TSEN2: variants seen among roughly 807,000 people sequenced by gnomAD.
The protein encoded by TSEN2 is tRNA splicing endonuclease subunit 2.
In TSEN2, 54 loss-of-function variants were observed where a neutral mutation model predicts 59.2. The ratio of observed to expected loss-of-function variants is 0.91; its 90% confidence interval spans 0.73 to 1.14. TSEN2 has a LOEUF of 1.14. Ranked by LOEUF, TSEN2 falls within the 50% of genes most tolerant of loss-of-function variation. The pLI, the probability that TSEN2 is intolerant of heterozygous loss-of-function variation, is 0.00. For synonymous variants in TSEN2, 195 were observed against 198.2 expected (o/e 0.98, Z 0.14); for missense variants, 636 against 576.2 (o/e 1.10, Z -1.06).
chr3:12,524,323 G>T lies in TSEN2; in HGVS notation c.1100-4565G>T, dbSNP rs113290848. ...ATAAGAAATTACCACAAATTGGGTG[G>T]CTTAAAAGCAACAAAGATTCATTCT... On this transcript the variant is annotated intron_variant, in intron 8 of 11. Coordinates refer to ENST00000284995, the MANE Select transcript of TSEN2 (RefSeq NM_025265.4). Among the ~76,000 whole-genome samples, 1,343 of 152,250 alleles carry T rather than the reference G, an allele frequency of 8.8e-3. 18 individuals carry two copies. The highest frequency in any genetic ancestry group is 0.031 in the African/African-American group (1,273 of 41,538).
At chr3:12,516,420 G>A (rs1045354424) in intron 6 of TSEN2, among the ~76,000 whole-genome samples, 191 bp from the exon 7 acceptor site, 2 of 149,280 alleles carry the variant, frequency 1.3e-5, no homozygotes, top group African/African-American at 2.5e-5. Flanking sequence ...GTGAGACTCC[G>A]TTTCAAAAAC....
chr3:12,532,337 T>TA (rs1225301636), intron 11 of TSEN2, among the ~76,000 whole-genome samples: 2 of 152,230 alleles, frequency 1.3e-5, no homozygotes, highest in Non-Finnish European at 2.9e-5. Flanking sequence ...CTGGCCCCGT[T>TA]ACAGCAATGC....
At chr3:12,522,583 T>C (rs567007866) in intron 8 of TSEN2, among the ~76,000 whole-genome samples, 3 of 152,342 alleles carry the variant, frequency 2.0e-5, no homozygotes, top group South Asian at 2.1e-4. Context: ...TTTAACGATA[T>C]TATTTTAATT....
chr3:12,522,022 A>T (rs557024907), intron 8 of TSEN2, among the ~76,000 whole-genome samples: 3 of 41,872 alleles, frequency 7.2e-5, no homozygotes, highest in South Asian at 3.3e-4. Flanking sequence ...ATAATAATAA[A>T]AAATAAAAAT....
intron 7 of TSEN2, 41 bp from the exon 8 acceptor site, chr3:12,519,018 A>T: frequency 6.2e-7 from 1 of 1,610,372 alleles, no homozygotes; most frequent in Non-Finnish European, 8.5e-7. Context: ...GAGTGAATGC[A>T]TACATAGTAA....
chr3:12,492,853 C>T (rs891807082), intron 3 of TSEN2, among the ~76,000 whole-genome samples: 1 of 152,198 alleles, frequency 6.6e-6, no homozygotes. Flanking sequence ...TGGTGGGGTG[C>T]TTGTGGTACC....
intron 7 of TSEN2, among the ~76,000 whole-genome samples, chr3:12,517,370 A>AAAAAAAAAAAAAAAG (rs1390178934): frequency 6.6e-6 from 1 of 151,108 alleles, no homozygotes; most frequent in East Asian, 1.9e-4. Flanking sequence ...AAAAAAAAAA[A>AAAAAAAAAAAAAAAG]AGAATTTGCA....
chr3:12,487,383 G>T (rs1179938164), intron 1 of TSEN2, among the ~76,000 whole-genome samples: 1 of 152,214 alleles, frequency 6.6e-6, no homozygotes, highest in South Asian at 2.1e-4. Context: ...GCCTTTTTTA[G>T]ATGTGACAGC....
At chr3:12,506,456 G>T (rs2054843602) in intron 6 of TSEN2, among the ~76,000 whole-genome samples, 1 of 151,942 alleles carries the variant, frequency 6.6e-6, no homozygotes. Context: ...TTAGCCAGGT[G>T]TGGCGGTGCA....
At chr3:12,494,093 A>T (rs1244467250) in intron 3 of TSEN2, among the ~76,000 whole-genome samples, 1 of 152,200 alleles carries the variant, frequency 6.6e-6, no homozygotes, top group Non-Finnish European at 1.5e-5. Flanking sequence ...CAGCAATCTC[A>T]CTTCTAGGAA....
intron 3 of TSEN2, among the ~76,000 whole-genome samples, chr3:12,492,495 A>G (rs1362640733): frequency 6.6e-6 from 1 of 152,200 alleles, no homozygotes; most frequent in Non-Finnish European, 1.5e-5. Flanking sequence ...ACTGGTAGTT[A>G]AGTACCTGCT....
At chr3:12,493,887 A>T (rs2053483845) in intron 3 of TSEN2, among the ~76,000 whole-genome samples, 1 of 152,210 alleles carries the variant, frequency 6.6e-6, no homozygotes, top group African/African-American at 2.4e-5. Context: ...GTATCTATTT[A>T]AGAAACCGTT....
intron 8 of TSEN2, among the ~76,000 whole-genome samples, chr3:12,523,091 T>G (rs973649138): frequency 6.6e-6 from 1 of 152,180 alleles, no homozygotes; most frequent in Non-Finnish European, 1.5e-5. Context: ...GTACACAGAT[T>G]AGGGCTCTGT....
At chr3:12,516,966 C>T (rs886655443) in intron 7 of TSEN2, among the ~76,000 whole-genome samples, 1 of 152,124 alleles carries the variant, frequency 6.6e-6, no homozygotes, top group Admixed American at 6.5e-5. Flanking sequence ...ATAAAAGTTA[C>T]CCGTATTTGG....
At chr3:12,490,634 A>G (rs1401725297) in intron 2 of TSEN2, among the ~76,000 whole-genome samples, 3 of 152,352 alleles carry the variant, frequency 2.0e-5, no homozygotes, top group African/African-American at 7.2e-5. Context: ...AAGTCCTCCC[A>G]TTGTAAGTAT....
At chr3:12,511,946 C>CTA (rs1553594427) in intron 6 of TSEN2, among the ~76,000 whole-genome samples, 1 of 152,136 alleles carries the variant, frequency 6.6e-6, no homozygotes, top group African/African-American at 2.4e-5. Flanking sequence ...ATTTAAAACT[C>CTA]TATGTTAAAG....
chr3:12,499,619 G>C (rs150568740), intron 4 of TSEN2, among the ~76,000 whole-genome samples: 4 of 152,302 alleles, frequency 2.6e-5, no homozygotes, highest in Middle Eastern at 3.4e-3. Context: ...CTCAGGGGAG[G>C]CTTCAGTAGC....
chr3:12,527,790 A>G (rs977205844), intron 8 of TSEN2, among the ~76,000 whole-genome samples: 12 of 152,170 alleles, frequency 7.9e-5, no homozygotes, highest in Non-Finnish European at 1.8e-4. Flanking sequence ...TCTTCAGCAC[A>G]CAGCTTCCAA....
In TSEN2 at chr3:12,516,611, G is replaced by A; in HGVS notation, c.910G>A (p.Ala304Thr). 1 of 1,613,802 alleles carries A rather than the reference G, an allele frequency of 6.2e-7. No individual in the cohort carries two copies. Among genetic ancestry groups the A allele is most frequent in the Non-Finnish European group, 8.5e-7 (1 of 1,179,954 alleles). The change falls in exon 7 of 12, where the codon GCC becomes ACC. Residue 304 changes from alanine (A) to threonine (T), a missense_variant and splice_region_variant. Ala to Thr is a moderately conservative substitution (Grantham distance 58). Transcript: ENST00000284995. ...FEYLQLSLEE[A>T]FFLVYALGCL... ...CATTTTCTGCTTGCTGTATTTTCAG[G>A]CCTTTTTCTTGGTCTATGCTCTGGG...
Sources: allele counts gnomAD v4.1 joint callset (sites outside exome capture counted in the v4.1 genomes callset), GRCh38; gene constraint gnomAD v4.1.1; transcripts MANE v1.5; gene names NCBI Gene and HGNC (gene_info 2026-07-23, HGNC 2026-07-21).